The following TRIM58 variants were observed in gnomAD, a reference collection of about 807,000 sequenced individuals.
TRIM58 encodes the protein tripartite motif containing 58, also known as E3 ubiquitin-protein ligase TRIM58.
In TRIM58, 38 loss-of-function variants were observed where a neutral mutation model predicts 34.1. The observed-to-expected ratio is 1.12, with a 90% confidence interval of 0.86 to 1.46. The LOEUF is 1.46. Ranked by LOEUF, TRIM58 falls within the 40% of genes most tolerant of loss-of-function variation. The probability of loss-of-function intolerance (pLI) is 0.00; values close to 1 mark genes in which losing one functional copy is unlikely to be tolerated. For synonymous variants in TRIM58, 273 were observed against 275.7 expected (o/e 0.99, Z 0.10); for missense variants, 677 against 642.0 (o/e 1.05, Z -0.59).
chr1:247,873,967 A>G (rs551063687), intron 5 of TRIM58, among the ~76,000 whole-genome samples: 2 of 147,148 alleles, frequency 1.4e-5, no homozygotes, highest in East Asian at 4.0e-4. Context: ...CTCCGTTTCA[A>G]AAAAAAAAGT....
At chr1:247,865,044 G>A (rs2103326231) in intron 3 of TRIM58, 109 bp downstream of exon 3, 2 of 1,055,130 alleles carry the variant, frequency 1.9e-6, no homozygotes, top group Admixed American at 2.9e-5. Flanking sequence ...TTAGGAAAAG[G>A]GCACCCTCAA....
rs192470982 is a variant in TRIM58 at position 247,878,412 on chromosome 1, C to T, written c.*1923C>T. Among the ~76,000 whole-genome samples the T allele has an allele frequency of 3.3e-5, 5 of 152,228 alleles. No individual in the cohort carries two copies. Among genetic ancestry groups the T allele is most frequent in the African/African-American group, 9.6e-5 (4 of 41,532 alleles). Reference sequence around the variant, plus strand: ...ACTTACCTTCCAATCATATTACTAACGTAGCCTTCTTCCTAGATTTTTTAA... The same window carrying T: ...ACTTACCTTCCAATCATATTACTAATGTAGCCTTCTTCCTAGATTTTTTAA... On this transcript the variant is annotated 3_prime_UTR_variant, in exon 6 of 6. Transcript: ENST00000366481.
rs746098818 is a variant in TRIM58, at chr1:247,857,543, C to G, written c.297C>G (p.His99Gln). ...CCGGGGCGCGGCGATGCGCGCGGCA[C>G]GGCGAGGACCTGAGCCGCTTCTGCG... ...AGPGARRCAR[H>Q]GEDLSRFCEE... The change falls in exon 1 of 6, where the codon CAC becomes CAG. Residue 99 changes from histidine (H) to glutamine (Q), a missense_variant. Transcript: ENST00000366481. 6.3e-6 allele frequency: 8 copies of G among 1,278,952 alleles called. No homozygotes were observed. In the Admixed American group the frequency reaches 2.9e-4, roughly 47 times the overall value. The allele number at this position is 1,278,952 out of a possible 1,614,324, so 79.2% of individuals were successfully genotyped here.
At chr1:247,859,009 T>C (rs1007656078) in intron 1 of TRIM58, among the ~76,000 whole-genome samples, 21 of 152,146 alleles carry the variant, frequency 1.4e-4, no homozygotes, top group South Asian at 2.1e-4. Context: ...TTGTGATCCA[T>C]CCGCCGTGGC....
At chr1:247,874,581 A>G (rs1023487641) in intron 5 of TRIM58, among the ~76,000 whole-genome samples, 6 of 152,128 alleles carry the variant, frequency 3.9e-5, no homozygotes, top group African/African-American at 1.4e-4. Context: ...TCCCCCCTTC[A>G]CTGAGGTTTC....
chr1:247,864,693 G>A lies in TRIM58; in HGVS notation c.517-12G>A. The A allele has an allele frequency of 5.0e-6, 8 of 1,613,508 alleles. No individual in the cohort carries two copies. Among genetic ancestry groups the A allele is most frequent in the Non-Finnish European group, 5.9e-6 (7 of 1,179,750 alleles). Reference sequence around the variant, plus strand: ...CCAAGCACTGACGATGTGATCCACGGTGTCACCTCAGGAGAAAGTGGAAAT... The same window carrying A: ...CCAAGCACTGACGATGTGATCCACGATGTCACCTCAGGAGAAAGTGGAAAT... On this transcript the variant is annotated splice_polypyrimidine_tract_variant and intron_variant, in intron 2 of 5. Transcript: ENST00000366481.
Position 247,876,182 on chromosome 1 carries a change from G to A in TRIM58, c.1154G>A (p.Trp385Ter). The A allele has an allele frequency of 2.5e-6, 4 of 1,614,222 alleles. No homozygotes were observed. Among genetic ancestry groups the A allele is most frequent in the Non-Finnish European group, 3.4e-6 (4 of 1,180,040 alleles). ...CCTGAGAATGGGGTCTGGGCCCTGT[G>A]GCTGCTGAAAGGGAATGAGTACATG... is the stretch of plus-strand genomic sequence containing the variant. ...PSPENGVWAL[W>*]LLKGNEYMVL... The change falls in exon 6 of 6, where the codon TGG (tryptophan) becomes TAG (stop). Residue 385 changes from tryptophan (W) to a stop codon, truncating the protein, a stop_gained. Transcript: ENST00000366481. LOFTEE classifies it low-confidence loss of function (END_TRUNC).
Position 247,880,094 on chromosome 1 carries a change from T to C in TRIM58, c.*3605T>C, listed in dbSNP as rs989188609. Reference sequence around the variant, plus strand: ...GTTTGTATGTGGTTATCATTCAATCTGTATTTGTTGAATGAATAAATGATT... The same window carrying C: ...GTTTGTATGTGGTTATCATTCAATCCGTATTTGTTGAATGAATAAATGATT... On this transcript the variant is annotated 3_prime_UTR_variant, in exon 6 of 6. Transcript: ENST00000366481. Among the ~76,000 whole-genome samples, 3 of 152,170 alleles carry C rather than the reference T, an allele frequency of 2.0e-5. No individual in the cohort carries two copies. Among genetic ancestry groups the C allele is most frequent in the Non-Finnish European group, 4.4e-5 (3 of 68,030 alleles).
At chr1:247,861,278 T>TACAC (rs140839343) in intron 2 of TRIM58, among the ~76,000 whole-genome samples, 168 of 151,326 alleles carry the variant, frequency 1.1e-3, no homozygotes, top group African/African-American at 4.0e-3. Context: ...GTGATTCACA[T>TACAC]ACACACACAC....
intron 1 of TRIM58, among the ~76,000 whole-genome samples, chr1:247,858,854 G>A (rs12092099): frequency 0.29 from 40,598 of 138,686 alleles, 5,723 homozygotes; most frequent in Middle Eastern, 0.36. Flanking sequence ...TCCGTCTCCC[G>A]GGTCCTGGTG....
chr1:247,865,798 C>T (rs945078656), intron 3 of TRIM58, among the ~76,000 whole-genome samples: 1 of 152,190 alleles, frequency 6.6e-6, no homozygotes, highest in Non-Finnish European at 1.5e-5. Flanking sequence ...TCTGGACCGA[C>T]TCCTATCTCC....
intron 5 of TRIM58, among the ~76,000 whole-genome samples, chr1:247,875,478 C>T (rs72774611): frequency 0.15 from 23,037 of 151,938 alleles, 2,125 homozygotes; most frequent in Non-Finnish European, 0.2. Flanking sequence ...TAGTGTACCA[C>T]GGCTATGCCC....
chr1:247,864,968 TGA>T (rs1173769666), intron 3 of TRIM58, 33 bp downstream of exon 3: 2 of 1,528,100 alleles, frequency 1.3e-6, no homozygotes, highest in Non-Finnish European at 1.8e-6. Flanking sequence ...CAGGCAGATG[TGA>T]GACTCAGGTG....
At chr1:247,857,761 G>A in intron 1 of TRIM58, 95 bp downstream of exon 1, 11 of 1,191,822 alleles carry the variant, frequency 9.2e-6, no homozygotes, top group Non-Finnish European at 1.1e-5. Context: ...CGTCTCCTGA[G>A]CGGCTCCCAC....
chr1:247,874,279 G>A (rs140319050), intron 5 of TRIM58, among the ~76,000 whole-genome samples: 53 of 152,304 alleles, frequency 3.5e-4, no homozygotes, highest in African/African-American at 1.3e-3. Context: ...GGAGGAGCCA[G>A]CGTATCACAT....
chr1:247,876,275 A>G lies in TRIM58; in HGVS notation c.1247A>G (p.Asp416Gly), dbSNP rs1475751612. Residue 416 changes from aspartate (D) to glycine (G), a missense_variant, in exon 6 of 6, where the codon GAC (aspartate) becomes GGC (glycine). Physicochemically the swap from Asp to Gly is moderately conservative, Grantham distance 94 (BLOSUM62 -1). Transcript: ENST00000366481. ...CCTCGCTGCATTGGGATTTTCTTGG[A>G]CTATGAAGCCGGTGAAATTTCATTC... ...ESPRCIGIFL[D>G]YEAGEISFYN... The G allele has an allele frequency of 6.2e-7, 1 of 1,614,064 alleles. No homozygotes were observed. Among genetic ancestry groups the G allele is most frequent in the Non-Finnish European group, 8.5e-7 (1 of 1,180,044 alleles).
chr1:247,867,278 C>T (rs1215387063), intron 3 of TRIM58, among the ~76,000 whole-genome samples: 4 of 152,088 alleles, frequency 2.6e-5, no homozygotes, highest in South Asian at 2.1e-4. Flanking sequence ...TATCCTGTTC[C>T]GTCTGAATTA....
Position 247,859,102 on chromosome 1 carries a change from C to T in TRIM58, c.420+1436C>T, listed in dbSNP as rs190416969. Among the ~76,000 whole-genome samples, 202 of 152,090 alleles carry T rather than the reference C, an allele frequency of 1.3e-3. 2 individuals carry two copies. Among genetic ancestry groups the T allele is most frequent in the South Asian group, 5.2e-3 (25 of 4,790 alleles). ...GTTCTCCATATTTTCAGTAGTTCTT[C>T]GGTTAAATACCAAATAAATATTATC... On this transcript the variant is annotated intron_variant, in intron 1 of 5. Transcript: ENST00000366481.
intron 5 of TRIM58, among the ~76,000 whole-genome samples, chr1:247,872,718 G>C (rs908650059): frequency 3.3e-5 from 5 of 152,156 alleles, no homozygotes; most frequent in African/African-American, 1.2e-4. Context: ...CCAGCACCCG[G>C]GTAGATAGGG....
Sources: gnomAD v4.1 joint callset for allele counts (sites outside exome capture counted in the v4.1 genomes callset) on GRCh38, gnomAD v4.1.1 for gene constraint, MANE v1.5 for transcripts, NCBI Gene and HGNC (gene_info 2026-07-23, HGNC 2026-07-21) for gene names.